The following CDH20 variants were observed in gnomAD, a reference collection of about 807,000 sequenced individuals.
The protein encoded by CDH20 is cadherin 20, also known as cadherin-20.
In CDH20, 29 loss-of-function variants were observed where a neutral mutation model predicts 74.2. That is an observed-to-expected ratio of 0.39 (90% CI 0.29 to 0.53). The LOEUF is 0.53. Ranked by LOEUF, CDH20 falls within the 20% of genes least tolerant of loss-of-function variation. The pLI is 0.69. For synonymous variants in CDH20, 469 were observed against 405.4 expected, an observed-to-expected ratio of 1.16 and a Z score of -1.88; for missense variants, 988 against 1,048.3, an observed-to-expected ratio of 0.94 and a Z score of 0.79.
chr18:61,410,498 C>T (rs1401206537), intron 1 of CDH20, among the ~76,000 whole-genome samples: 1 of 152,118 alleles, frequency 6.6e-6, no homozygotes, highest in Non-Finnish European at 1.5e-5. Context: ...ATCAATTTGA[C>T]CCAACAATTT....
chr18:61,403,199 A>G (rs1912214173), intron 1 of CDH20, among the ~76,000 whole-genome samples: 1 of 152,158 alleles, frequency 6.6e-6, no homozygotes, highest in Non-Finnish European at 1.5e-5. Flanking sequence ...GCTTCTTTGT[A>G]TTAGTTTTTC....
chr18:61,403,202 A>T (rs1212266061), intron 1 of CDH20, among the ~76,000 whole-genome samples: 1 of 152,162 alleles, frequency 6.6e-6, no homozygotes, highest in Non-Finnish European at 1.5e-5. Flanking sequence ...TCTTTGTATT[A>T]GTTTTTCAGA....
chr18:61,495,413 G>A (rs572754815), intron 2 of CDH20, among the ~76,000 whole-genome samples: 3 of 152,260 alleles, frequency 2.0e-5, no homozygotes, highest in Admixed American at 2.0e-4. Context: ...TCTGCTTTGG[G>A]TGCTGGGGCT....
chr18:61,391,069 G>A (rs1438976153), intron 1 of CDH20, among the ~76,000 whole-genome samples: 1 of 152,116 alleles, frequency 6.6e-6, no homozygotes, highest in Non-Finnish European at 1.5e-5. Flanking sequence ...CAAAAATCTA[G>A]CAAACACTTT....
intron 8 of CDH20, 84 bp downstream of exon 8, chr18:61,536,713 C>A: frequency 8.3e-7 from 1 of 1,202,874 alleles, no homozygotes. Flanking sequence ...CTTGTTGTAA[C>A]AAAAATTATA....
intron 1 of CDH20, among the ~76,000 whole-genome samples, chr18:61,373,800 T>C (rs1021875189): frequency 5.3e-5 from 8 of 152,126 alleles, no homozygotes; most frequent in African/African-American, 1.9e-4. Context: ...TCCTTTCCAA[T>C]ACAGCACCCA....
intron 1 of CDH20, among the ~76,000 whole-genome samples, chr18:61,357,835 T>A (rs921671297): frequency 1.3e-5 from 2 of 152,014 alleles, no homozygotes; most frequent in Admixed American, 6.6e-5. Flanking sequence ...TGCCGCCCAA[T>A]CTTTCTGACT....
intron 1 of CDH20, among the ~76,000 whole-genome samples, chr18:61,382,812 T>G (rs990758345): frequency 6.6e-6 from 1 of 152,142 alleles, no homozygotes; most frequent in Admixed American, 6.5e-5. Context: ...AACATACAGA[T>G]GTAAGAACTC....
At chr18:61,361,121 A>T (rs1389069876) in intron 1 of CDH20, among the ~76,000 whole-genome samples, 1 of 152,180 alleles carries the variant, frequency 6.6e-6, no homozygotes, top group East Asian at 1.9e-4. Flanking sequence ...CAAGTATTTC[A>T]ATTAGTTTGC....
At chr18:61,383,209 T>C (rs930082809) in intron 1 of CDH20, among the ~76,000 whole-genome samples, 3 of 152,136 alleles carry the variant, frequency 2.0e-5, no homozygotes, top group Non-Finnish European at 4.4e-5. Flanking sequence ...GACTGAACCA[T>C]CAAAAGTTCA....
At chr18:61,540,457 C>T (rs1227911279) in intron 9 of CDH20, among the ~76,000 whole-genome samples, 2 of 152,108 alleles carry the variant, frequency 1.3e-5, no homozygotes, top group Non-Finnish European at 2.9e-5. Context: ...GGAGGCCTCA[C>T]AATCACGGTG....
intron 1 of CDH20, among the ~76,000 whole-genome samples, chr18:61,372,079 C>A (rs1568114656): frequency 6.6e-6 from 1 of 152,068 alleles, no homozygotes; most frequent in East Asian, 1.9e-4. Flanking sequence ...AACCCTTCTA[C>A]TTTTCACTCA....
chr18:61,452,550 A>G (rs1013189476), intron 1 of CDH20, among the ~76,000 whole-genome samples: 27 of 152,202 alleles, frequency 1.8e-4, no homozygotes, highest in African/African-American at 5.5e-4. Flanking sequence ...GTTTTATAAT[A>G]CCAGTAAAAG....
In CDH20 at chr18:61,519,226, A is replaced by C. The variant is rs551767406; in HGVS notation, c.1018-8741A>C. On this transcript the variant is annotated intron_variant, in intron 6 of 11. Coordinates refer to ENST00000262717, the MANE Select transcript of CDH20 (RefSeq NM_031891.4). Reference sequence around the variant, plus strand: ...GGGTATTATCCAGGAGAACTTCCCCAACCTAGCAAGATAGGCCAACATTCA... The same window carrying C: ...GGGTATTATCCAGGAGAACTTCCCCCACCTAGCAAGATAGGCCAACATTCA... Among the ~76,000 whole-genome samples the C allele has an allele frequency of 4.4e-4, 66 of 151,450 alleles. 1 individual carries two copies. Among genetic ancestry groups the C allele is most frequent in the Non-Finnish European group, 7.4e-4 (50 of 67,972 alleles).
Position 61,397,279 on chromosome 18 carries a change from AT to A in CDH20, c.-153+63456del, listed in dbSNP as rs1912016162. The stretch of plus-strand genomic sequence containing the variant: ...CCCAACCTCCCCATACTGAAGGAAT[AT>A]TTTATCTCATCCAGGAGAATAATTT... On this transcript the variant is annotated intron_variant, in intron 1 of 11. Coordinates refer to ENST00000262717, the MANE Select transcript of CDH20 (RefSeq NM_031891.4). Among the ~76,000 whole-genome samples the A allele has an allele frequency of 2.0e-5, 3 of 152,002 alleles. No homozygotes were observed. In the East Asian group the frequency reaches 5.8e-4, roughly 29 times the overall value.
intron 1 of CDH20, among the ~76,000 whole-genome samples, chr18:61,383,697 G>T (rs1339114491): frequency 6.6e-6 from 1 of 152,144 alleles, no homozygotes; most frequent in African/African-American, 2.4e-5. Context: ...ACAGAAAAAT[G>T]AGATACATTT....
intron 1 of CDH20, among the ~76,000 whole-genome samples, chr18:61,458,445 C>A (rs533621423): frequency 6.6e-5 from 10 of 152,276 alleles, no homozygotes; most frequent in South Asian, 2.1e-4. Flanking sequence ...TGGAAAATAT[C>A]TCTTCCCACA....
chr18:61,391,086 G>A (rs1260092071), intron 1 of CDH20, among the ~76,000 whole-genome samples: 3 of 152,164 alleles, frequency 2.0e-5, no homozygotes, highest in Non-Finnish European at 4.4e-5. Context: ...CTTTTGCTAT[G>A]TACATATGAC....
chr18:61,553,960 T>C (rs1208250804), intron 11 of CDH20, among the ~76,000 whole-genome samples: 2 of 152,166 alleles, frequency 1.3e-5, no homozygotes, highest in Non-Finnish European at 2.9e-5. Context: ...TTTTTCTAAT[T>C]AAACCATTTG....
Sources: allele counts gnomAD v4.1 joint callset (sites outside exome capture counted in the v4.1 genomes callset), GRCh38; gene constraint gnomAD v4.1.1; transcripts MANE v1.5; gene names NCBI Gene and HGNC (gene_info 2026-07-23, HGNC 2026-07-21).